The following NPAS3 variants were observed in gnomAD, a reference collection of about 807,000 sequenced individuals.
NPAS3 encodes neuronal PAS domain protein 3.
Under a neutral mutation model 73.1 loss-of-function variants are expected in NPAS3, and 14 were observed. The observed-to-expected ratio is 0.19, with a 90% confidence interval of 0.13 to 0.30. The LOEUF (loss-of-function observed/expected upper bound fraction) is 0.30, where lower values mean the gene tolerates loss of function less well. Among genes scored for constraint, NPAS3 ranks in the 10% least tolerant of loss-of-function variants. The pLI is 1.00. For synonymous variants in NPAS3, 620 were observed against 541.5 expected (o/e 1.14, Z -2.01); for missense variants, 1,096 against 1,250.0 (o/e 0.88, Z 1.86).
At chr14:33,016,683 GT>G (rs1282637898) in intron 1 of NPAS3, among the ~76,000 whole-genome samples, 3 of 149,320 alleles carry the variant, frequency 2.0e-5, no homozygotes, top group Admixed American at 6.7e-5. Flanking sequence ...TCCTGTAGCA[GT>G]TTTTTTGCTC....
At chr14:33,704,302 A>C (rs2060600963) in intron 6 of NPAS3, among the ~76,000 whole-genome samples, 1 of 152,196 alleles carries the variant, frequency 6.6e-6, no homozygotes, top group Non-Finnish European at 1.5e-5. Flanking sequence ...TTACTTTTTT[A>C]AGTTCTTGTA....
At chr14:33,229,490 C>T (rs867208589) in intron 3 of NPAS3, among the ~76,000 whole-genome samples, 1 of 152,174 alleles carries the variant, frequency 6.6e-6, no homozygotes, top group Non-Finnish European at 1.5e-5. Context: ...CTCACCTTCC[C>T]GCCCGCTCAC....
chr14:33,491,072 A>G (rs1415327127), intron 4 of NPAS3, among the ~76,000 whole-genome samples: 2 of 152,122 alleles, frequency 1.3e-5, no homozygotes, highest in East Asian at 1.9e-4. Flanking sequence ...CATGATTTCA[A>G]ATTTGAAACA....
rs575283392 is a variant in NPAS3, at chr14:33,101,341, T to A, written c.140+45347T>A. 2.6e-4 allele frequency among the ~76,000 whole-genome samples: 39 copies of A among 152,162 alleles called. No individual in the cohort carries two copies. The South Asian group carries it at 3.3e-3, about 13-fold the overall frequency. The stretch of plus-strand genomic sequence containing the variant: ...GTTATAAATCCTTATCTTTAAAAAA[T>A]ATATAATTTAGGGGAAAAAAGAGTG... On this transcript the variant is annotated intron_variant, in intron 2 of 11. Transcript: ENST00000356141.
At chr14:33,422,510 TAAG>T (rs1442471397) in intron 4 of NPAS3, among the ~76,000 whole-genome samples, 1 of 151,938 alleles carries the variant, frequency 6.6e-6, no homozygotes, top group African/African-American at 2.4e-5. Context: ...ATGGTGATTC[TAAG>T]AAGGATATGG....
chr14:33,421,890 T>C (rs2048373556), intron 4 of NPAS3, among the ~76,000 whole-genome samples: 1 of 151,946 alleles, frequency 6.6e-6, no homozygotes, highest in African/African-American at 2.4e-5. Flanking sequence ...GTGGACACTA[T>C]GGATAGGAAG....
chr14:33,760,149 C>G (rs1667258423), intron 7 of NPAS3, among the ~76,000 whole-genome samples: 1 of 152,180 alleles, frequency 6.6e-6, no homozygotes, highest in Non-Finnish European at 1.5e-5. Flanking sequence ...TCATTCCACT[C>G]TTTACCTGCC....
At chr14:33,288,681 G>A (rs1159231807) in intron 3 of NPAS3, among the ~76,000 whole-genome samples, 2 of 151,836 alleles carry the variant, frequency 1.3e-5, no homozygotes, top group African/African-American at 4.8e-5. Flanking sequence ...CAGAATGCGG[G>A]GGAAGAGTTT....
At chr14:33,669,204 GTTTC>G in intron 5 of NPAS3, among the ~76,000 whole-genome samples, 1 of 152,288 alleles carries the variant, frequency 6.6e-6, no homozygotes, top group East Asian at 1.9e-4. Flanking sequence ...GACTGTTAAT[GTTTC>G]TTTCTTGGCA....
At chr14:33,748,947 G>A (rs929738591) in intron 7 of NPAS3, among the ~76,000 whole-genome samples, 7 of 152,130 alleles carry the variant, frequency 4.6e-5, no homozygotes, top group Admixed American at 6.6e-5. Context: ...ATATTGCCTC[G>A]TGGTCAAGGC....
At chr14:33,799,757 G>A (rs756991498) in exon 12 of NPAS3, 13 of 1,584,564 alleles carry the variant, frequency 8.2e-6, no homozygotes, top group Middle Eastern at 1.7e-4. Flanking sequence ...CTCCAAGTCC[G>A]ACGAGAAGGG....
intron 3 of NPAS3, among the ~76,000 whole-genome samples, chr14:33,336,768 T>A (rs1204513505): frequency 2.6e-5 from 4 of 152,202 alleles, no homozygotes; most frequent in Admixed American, 2.6e-4. Context: ...TGATCTGTAC[T>A]CCAGAGAGTG....
At chr14:33,562,427 A>G (rs971790583) in intron 5 of NPAS3, among the ~76,000 whole-genome samples, 1 of 152,056 alleles carries the variant, frequency 6.6e-6, no homozygotes, top group African/African-American at 2.4e-5. Flanking sequence ...CCTGTGGTGG[A>G]TGTGTTCAGT....
intron 3 of NPAS3, among the ~76,000 whole-genome samples, chr14:33,315,181 C>G (rs1235264610): frequency 6.6e-6 from 1 of 151,918 alleles, no homozygotes; most frequent in Non-Finnish European, 1.5e-5. Flanking sequence ...AAAAGCCACG[C>G]TGGTGGGTTG....
chr14:33,529,925 A>G (rs2053967571), intron 4 of NPAS3, among the ~76,000 whole-genome samples: 1 of 152,188 alleles, frequency 6.6e-6, no homozygotes, highest in Admixed American at 6.6e-5. Context: ...GTTGCAACTC[A>G]AAGTTCAAAA....
chr14:33,743,144 T>G (rs2061696176), intron 7 of NPAS3, among the ~76,000 whole-genome samples: 1 of 152,242 alleles, frequency 6.6e-6, no homozygotes, highest in African/African-American at 2.4e-5. Flanking sequence ...GAATGGTGAA[T>G]GCTTTCCAGA....
intron 2 of NPAS3, among the ~76,000 whole-genome samples, chr14:33,101,466 A>T (rs1313178176): frequency 1.3e-5 from 2 of 152,138 alleles, no homozygotes; most frequent in Non-Finnish European, 2.9e-5. Flanking sequence ...AGGTTTGCTG[A>T]TTGTACATGT....
At chr14:33,457,227 G>T (rs368001306) in intron 4 of NPAS3, among the ~76,000 whole-genome samples, 1 of 152,200 alleles carries the variant, frequency 6.6e-6, no homozygotes, top group Non-Finnish European at 1.5e-5. Context: ...AGTACTAAAT[G>T]GTTCTCCAAG....
rs567034175 is a variant in NPAS3 at position 33,129,016 on chromosome 14, A to G, written c.140+73022A>G. ...ATTTCAGTCCCATTACGAATTTTCC[A>G]CAGGATTTTTTTCCAGGTTTTTGTA... is the stretch of plus-strand genomic sequence containing the variant. On this transcript the variant is annotated intron_variant, in intron 2 of 11. Coordinates refer to ENST00000356141, the Ensembl canonical transcript of NPAS3. 1.8e-3 allele frequency among the ~76,000 whole-genome samples: 278 copies of G among 152,144 alleles called. 2 individuals carry two copies. The highest frequency in any genetic ancestry group is 6.5e-3 in the African/African-American group (268 of 41,516).
Sources: gnomAD v4.1 joint callset for allele counts (sites outside exome capture counted in the v4.1 genomes callset) on GRCh38, gnomAD v4.1.1 for gene constraint, MANE v1.5 for transcripts, NCBI Gene and HGNC (gene_info 2026-07-23, HGNC 2026-07-21) for gene names.